The following MAGI1 variants were observed in gnomAD, a reference collection of about 807,000 sequenced individuals.
MAGI1 encodes the protein membrane associated guanylate kinase, WW and PDZ domain containing 1.
Under a neutral mutation model 139.9 loss-of-function variants are expected in MAGI1, and 58 were observed. The ratio of observed to expected loss-of-function variants is 0.41; its 90% CI spans 0.34 to 0.52. MAGI1 has a LOEUF of 0.52. Ranked by LOEUF, MAGI1 falls within the 20% of genes least tolerant of loss-of-function variation. The pLI is 0.12. For missense variants in MAGI1, 1,874 were observed against 1,901.6 expected (o/e 0.99, Z 0.27); for synonymous variants, 812 against 737.9 (o/e 1.10, Z -1.63).
chr3:65,633,397 T>C (rs574676231), intron 1 of MAGI1, among the ~76,000 whole-genome samples: 1 of 152,196 alleles, frequency 6.6e-6, no homozygotes, highest in Non-Finnish European at 1.5e-5. Flanking sequence ...GTGAGTGTGA[T>C]GTGAGAGAGA....
chr3:65,758,596 G>C (rs903180834), intron 1 of MAGI1, among the ~76,000 whole-genome samples: 17 of 152,114 alleles, frequency 1.1e-4, no homozygotes, highest in African/African-American at 3.1e-4. Flanking sequence ...TGCCCCAGGA[G>C]ACATCTGGCA....
intron 1 of MAGI1, among the ~76,000 whole-genome samples, chr3:65,820,179 G>A (rs1462246957): frequency 1.3e-5 from 2 of 152,048 alleles, no homozygotes; most frequent in Non-Finnish European, 2.9e-5. Context: ...AAAAAAAACT[G>A]CCACACTTGT....
Position 65,721,359 on chromosome 3 carries a change from A to G in MAGI1, c.314-99271T>C, listed in dbSNP as rs557330256. On this transcript the variant is annotated intron_variant, in intron 1 of 22. Coordinates refer to ENST00000402939, the MANE Select transcript of MAGI1 (RefSeq NM_001033057.2). Reference sequence around the variant, plus strand: ...GGACTTCCCTTACTTATAATTCATCATCCAAACCAGGATGCATTTGAGAGT... The same window carrying G: ...GGACTTCCCTTACTTATAATTCATCGTCCAAACCAGGATGCATTTGAGAGT... Among the ~76,000 whole-genome samples, 12 of 152,282 alleles carry G rather than the reference A, an allele frequency of 7.9e-5. 1 individual carries two copies. In the East Asian group the frequency reaches 2.1e-3, roughly 27 times the overall value.
intron 1 of MAGI1, among the ~76,000 whole-genome samples, chr3:65,979,865 C>A (rs2065475122): frequency 6.6e-6 from 1 of 152,158 alleles, no homozygotes; most frequent in Non-Finnish European, 1.5e-5. Context: ...ACTGTGAGCT[C>A]AGCAATATTC....
At chr3:65,688,356 C>A in intron 1 of MAGI1, 3 of 643,120 alleles carry the variant, frequency 4.7e-6, no homozygotes, top group Non-Finnish European at 3.0e-6. Flanking sequence ...GATAGTAACA[C>A]CTTCAGAAAA....
chr3:65,398,072 G>A (rs1015058816), intron 13 of MAGI1, among the ~76,000 whole-genome samples: 7 of 152,086 alleles, frequency 4.6e-5, no homozygotes, highest in South Asian at 2.1e-4. Flanking sequence ...TGCAAGAAGA[G>A]AGGTGCCATG....
chr3:65,771,127 C>T (rs1577062830), intron 1 of MAGI1, among the ~76,000 whole-genome samples: 3 of 151,708 alleles, frequency 2.0e-5, no homozygotes, highest in Admixed American at 6.6e-5. Context: ...GCCAACATAG[C>T]GAAACCCCGT....
intron 12 of MAGI1, among the ~76,000 whole-genome samples, chr3:65,424,730 C>T (rs953150208): frequency 3.3e-5 from 5 of 152,090 alleles, no homozygotes; most frequent in African/African-American, 1.2e-4. Flanking sequence ...TTGAACATTA[C>T]TCAGAAACGA....
chr3:65,710,284 T>C (rs1239299032), intron 1 of MAGI1, among the ~76,000 whole-genome samples: 1 of 141,126 alleles, frequency 7.1e-6, no homozygotes, highest in Non-Finnish European at 1.5e-5. Flanking sequence ...TTTTTTTTTT[T>C]TTTTTTTTTT....
intron 2 of MAGI1, among the ~76,000 whole-genome samples, chr3:65,568,486 C>A (rs1041509640): frequency 6.6e-6 from 1 of 152,120 alleles, no homozygotes; most frequent in Non-Finnish European, 1.5e-5. Context: ...TGCGTATGAG[C>A]AAGGAGCTCT....
chr3:65,367,406 T>C (rs539845204), intron 18 of MAGI1, among the ~76,000 whole-genome samples: 1 of 152,308 alleles, frequency 6.6e-6, no homozygotes, highest in East Asian at 1.9e-4. Flanking sequence ...TCCTCATCTG[T>C]ATGTCTGTGA....
intron 1 of MAGI1, among the ~76,000 whole-genome samples, chr3:65,895,785 A>G (rs757656719): frequency 3.3e-5 from 5 of 152,218 alleles, no homozygotes; most frequent in Non-Finnish European, 7.3e-5. Flanking sequence ...ATTTGCTTCT[A>G]AACACTTTTT....
intron 1 of MAGI1, among the ~76,000 whole-genome samples, chr3:65,635,835 T>G (rs183650092): frequency 2.5e-4 from 38 of 152,354 alleles, no homozygotes; most frequent in Admixed American, 2.2e-3. Flanking sequence ...ACGTCATTCA[T>G]GCAACAGTTG....
At chr3:65,409,068 G>C (rs1945575046) in intron 12 of MAGI1, among the ~76,000 whole-genome samples, 1 of 152,202 alleles carries the variant, frequency 6.6e-6, no homozygotes, top group Non-Finnish European at 1.5e-5. Flanking sequence ...TTCTTGAAGA[G>C]ACCGTATTTG....
intron 1 of MAGI1, among the ~76,000 whole-genome samples, chr3:65,923,143 G>C (rs906514158): frequency 6.6e-6 from 1 of 151,634 alleles, no homozygotes; most frequent in Non-Finnish European, 1.5e-5. Flanking sequence ...TTCTATGTAA[G>C]ACCTATACTT....
chr3:65,610,324 C>G (rs2082984603), intron 2 of MAGI1, among the ~76,000 whole-genome samples: 1 of 152,068 alleles, frequency 6.6e-6, no homozygotes, highest in South Asian at 2.1e-4. Context: ...AAACTTCTAT[C>G]CACTGGGGAA....
At chr3:65,499,416 G>A (rs376016292) in intron 2 of MAGI1, among the ~76,000 whole-genome samples, 2 of 152,298 alleles carry the variant, frequency 1.3e-5, no homozygotes, top group African/African-American at 2.4e-5. Context: ...TTGGGAGGCC[G>A]AGGTGGCCAG....
At chr3:65,689,118 T>G (rs74791397) in intron 1 of MAGI1, among the ~76,000 whole-genome samples, 1 of 152,204 alleles carries the variant, frequency 6.6e-6, no homozygotes, top group African/African-American at 2.4e-5. Context: ...TGGAAACACA[T>G]AGTCCCTCTG....
chr3:65,812,445 TTCTCTCTC>T (rs530333757), intron 1 of MAGI1, among the ~76,000 whole-genome samples: 4 of 130,596 alleles, frequency 3.1e-5, no homozygotes, highest in Admixed American at 2.3e-4. Flanking sequence ...CTCTCTCTCT[TTCTCTCTC>T]TCTCTCTCTC....
Sources: allele counts gnomAD v4.1 joint callset (sites outside exome capture counted in the v4.1 genomes callset), GRCh38; gene constraint gnomAD v4.1.1; transcripts MANE v1.5; gene names NCBI Gene and HGNC (gene_info 2026-07-23, HGNC 2026-07-21).